CAB39: variants seen among roughly 807,000 people sequenced by gnomAD.
CAB39 encodes calcium-binding protein 39.
Under a neutral mutation model 40.0 loss-of-function variants are expected in CAB39, and 8 were observed. The ratio of observed to expected loss-of-function variants is 0.20; its 90% CI spans 0.12 to 0.36. The LOEUF (loss-of-function observed/expected upper bound fraction) is 0.36, where lower values mean the gene tolerates loss of function less well. CAB39 is among the 10% of genes least tolerant of loss of function. The pLI, the probability that CAB39 is intolerant of heterozygous loss-of-function variation, is 1.00. For synonymous variants in CAB39, 156 were observed against 141.6 expected (o/e 1.10, Z -0.72); for missense variants, 270 against 401.1 (o/e 0.67, Z 2.79).
intron 5 of CAB39, 23 bp from the exon 6 acceptor site, chr2:230,810,240 A>T (rs1224442660): frequency 1.6e-6 from 2 of 1,233,934 alleles, no homozygotes; most frequent in African/African-American, 3.1e-5. Flanking sequence ...ACAACTGTAA[A>T]CAATTTTTTT....
chr2:230,818,717 A>G lies in CAB39; in HGVS notation c.*13A>G, dbSNP rs745686119. On this transcript the variant is annotated 3_prime_UTR_variant, in exon 9 of 9. Coordinates refer to ENST00000258418, the MANE Select transcript of CAB39 (RefSeq NM_016289.4). ...GCAAGAAGCTTAATCTCCAATAAAC[A>G]TCTATGTTAAATCCAAATTCAGCAT... The G allele has an allele frequency of 3.1e-6, 5 of 1,602,670 alleles. No individual in the cohort carries two copies. The highest frequency in any genetic ancestry group is 4.3e-6 in the Non-Finnish European group (5 of 1,171,260).
chr2:230,722,210 C>CT (rs1298512281), intron 1 of CAB39, among the ~76,000 whole-genome samples: 1 of 152,110 alleles, frequency 6.6e-6, no homozygotes, highest in East Asian at 1.9e-4. Context: ...TTTCTTAATG[C>CT]TTTTTATGAA....
At chr2:230,716,488 G>A (rs995700950) in intron 1 of CAB39, among the ~76,000 whole-genome samples, 17 of 152,144 alleles carry the variant, frequency 1.1e-4, no homozygotes, top group African/African-American at 3.9e-4. Context: ...GTAGTAGGAC[G>A]AATTTTGTTT....
chr2:230,800,356 C>G (rs938908924), intron 5 of CAB39, among the ~76,000 whole-genome samples: 1 of 152,086 alleles, frequency 6.6e-6, no homozygotes, highest in Admixed American at 6.5e-5. Flanking sequence ...TGAGAGCTCC[C>G]CAGGAATTTA....
chr2:230,803,319 G>A (rs555023032), intron 5 of CAB39, among the ~76,000 whole-genome samples: 88 of 152,222 alleles, frequency 5.8e-4, no homozygotes, highest in African/African-American at 2.0e-3. Context: ...GGCAAAAACC[G>A]GAAGCATTCC....
intron 1 of CAB39, among the ~76,000 whole-genome samples, chr2:230,756,254 T>A (rs1170673948): frequency 6.6e-6 from 1 of 152,210 alleles, no homozygotes; most frequent in Non-Finnish European, 1.5e-5. Flanking sequence ...GATAGTATAG[T>A]CAACTACATA....
rs71052549 is a variant in CAB39 at position 230,773,314 on chromosome 2, ATGTG to A, written c.114+13231_114+13234del. Among the ~76,000 whole-genome samples, 422 of 132,672 alleles carry A rather than the reference ATGTG, an allele frequency of 3.2e-3. 3 individuals carry two copies. Among genetic ancestry groups the A allele is most frequent in the South Asian group, 7.5e-3 (31 of 4,140 alleles). 87.0% of individuals were successfully genotyped at this position (132,672 alleles called of 152,430 possible). A position where few individuals can be genotyped will look rare whatever the true frequency, so the allele number is the denominator to read the frequency against. On this transcript the variant is annotated intron_variant, in intron 2 of 8. Coordinates refer to ENST00000258418, the MANE Select transcript of CAB39 (RefSeq NM_016289.4). ...GGTGTATGTGTATATATATATATAT[ATGTG>A]TGTGTGTGTGTGTGTGTGTGTGTGT...
At chr2:230,785,138 G>A (rs1695766783) in intron 2 of CAB39, among the ~76,000 whole-genome samples, 1 of 152,164 alleles carries the variant, frequency 6.6e-6, no homozygotes, top group Admixed American at 6.5e-5. Flanking sequence ...CACACTAATA[G>A]TGCACAGCAA....
intron 1 of CAB39, among the ~76,000 whole-genome samples, chr2:230,728,317 C>T (rs116235788): frequency 0.02 from 2,991 of 151,768 alleles, 90 homozygotes; most frequent in African/African-American, 0.068. Context: ...ATAAGAACAG[C>T]AACCTGGTAA....
Position 230,748,823 on chromosome 2 carries a change from AAAAAAAAAATATATAT to A in CAB39, c.-43-11134_-43-11119del, listed in dbSNP as rs1378484421. ...TTCTATTTCCAAAAAGAAAAAAAAA[AAAAAAAAAATATATAT>A]ATATATATATATATATATATATATA... is the stretch of plus-strand genomic sequence containing the variant. On this transcript the variant is annotated intron_variant, in intron 1 of 8. Transcript: ENST00000258418. Among the ~76,000 whole-genome samples, 37 of 59,202 alleles carry A rather than the reference AAAAAAAAAATATATAT, an allele frequency of 6.2e-4. 2 individuals are homozygous for A. The highest frequency in any genetic ancestry group is 2.0e-3 in the African/African-American group (31 of 15,340). 38.8% of individuals were successfully genotyped at this position (59,202 alleles called of 152,430 possible).
intron 5 of CAB39, among the ~76,000 whole-genome samples, chr2:230,799,986 C>T (rs1180468155): frequency 6.8e-6 from 1 of 147,946 alleles, no homozygotes; most frequent in Non-Finnish European, 1.5e-5. Flanking sequence ...AGCGAAACTC[C>T]ATCTCAAAAA....
intron 2 of CAB39, among the ~76,000 whole-genome samples, chr2:230,764,157 G>C (rs1695343576): frequency 6.6e-6 from 1 of 151,724 alleles, no homozygotes; most frequent in Admixed American, 6.6e-5. Flanking sequence ...AAGTACAAAT[G>C]GTCCCTGACT....
intron 2 of CAB39, among the ~76,000 whole-genome samples, chr2:230,769,630 T>C (rs1274244983): frequency 1.3e-5 from 2 of 152,136 alleles, no homozygotes; most frequent in South Asian, 4.1e-4. Context: ...TCCCAAAATA[T>C]TTAGGAACTA....
At chr2:230,776,874 A>T (rs1477059194) in intron 2 of CAB39, among the ~76,000 whole-genome samples, 2 of 152,098 alleles carry the variant, frequency 1.3e-5, no homozygotes, top group Non-Finnish European at 2.9e-5. Context: ...TTTTTAGTTG[A>T]GACGGGGTTT....
At chr2:230,777,157 A>G (rs1695607113) in intron 2 of CAB39, among the ~76,000 whole-genome samples, 1 of 148,168 alleles carries the variant, frequency 6.7e-6, no homozygotes, top group Admixed American at 6.7e-5. Context: ...TATATGATGT[A>G]TGTTCATTCC....
intron 2 of CAB39, among the ~76,000 whole-genome samples, chr2:230,783,243 C>T (rs947124609): frequency 2.6e-5 from 4 of 152,176 alleles, no homozygotes; most frequent in Non-Finnish European, 5.9e-5. Flanking sequence ...AAGCTCTGGA[C>T]ATATGCTCAT....
chr2:230,794,573 GA>G (rs1337973614), intron 4 of CAB39, among the ~76,000 whole-genome samples: 3 of 152,140 alleles, frequency 2.0e-5, no homozygotes, highest in Non-Finnish European at 4.4e-5. Flanking sequence ...GGCATGTCAA[GA>G]AAGACTTTTG....
chr2:230,749,817 T>A (rs1695055020), intron 1 of CAB39, among the ~76,000 whole-genome samples: 1 of 152,214 alleles, frequency 6.6e-6, no homozygotes, highest in Non-Finnish European at 1.5e-5. Flanking sequence ...CTCGTAGAAG[T>A]GTAATTGCGG....
chr2:230,742,006 AT>A (rs1694886287), intron 1 of CAB39, among the ~76,000 whole-genome samples: 1 of 152,210 alleles, frequency 6.6e-6, no homozygotes, highest in African/African-American at 2.4e-5. Flanking sequence ...AGAATGGCTT[AT>A]TTCAGAAAGA....
Sources: gnomAD v4.1 joint callset for allele counts (sites outside exome capture counted in the v4.1 genomes callset) on GRCh38, gnomAD v4.1.1 for gene constraint, MANE v1.5 for transcripts, NCBI Gene and HGNC (gene_info 2026-07-23, HGNC 2026-07-21) for gene names.